The following BPTF variants were observed in gnomAD, a reference collection of about 807,000 sequenced individuals.
BPTF encodes bromodomain PHD finger transcription factor, also known as nucleosome-remodeling factor subunit BPTF.
In BPTF, 18 loss-of-function variants were observed where a neutral mutation model predicts 292.5. The ratio of observed to expected loss-of-function variants is 0.06; its 90% CI spans 0.04 to 0.09. The LOEUF is 0.09. Ranked by LOEUF, BPTF falls within the 10% of genes least tolerant of loss-of-function variation. BPTF has a pLI of 1.00. For synonymous variants in BPTF, 1,225 were observed against 1,251.9 expected (o/e 0.98, Z 0.45); for missense variants, 2,726 against 3,498.7 (o/e 0.78, Z 5.57).
At chr17:67,928,761 A>G (rs576125744) in intron 16 of BPTF, among the ~76,000 whole-genome samples, 160 bp downstream of exon 16, 19 of 152,360 alleles carry the variant, frequency 1.2e-4, no homozygotes, top group Non-Finnish European at 2.8e-4. Context: ...AATAATGTTC[A>G]TAATATTACA....
At chr17:67,927,483 C>G (rs775513770) in intron 15 of BPTF, among the ~76,000 whole-genome samples, 1 of 152,122 alleles carries the variant, frequency 6.6e-6, no homozygotes, top group Non-Finnish European at 1.5e-5. Context: ...TAGAAGAAGT[C>G]TAGAAAAACT....
chr17:67,893,266 C>A, intron 5 of BPTF, 104 bp from the exon 6 acceptor site: 1 of 755,492 alleles, frequency 1.3e-6, no homozygotes, highest in Non-Finnish European at 2.2e-6. Context: ...TTTATCTTAA[C>A]TTACTTTGAA....
At position 67,966,559 on chromosome 17, in the gene BPTF, T is replaced by G. The variant is rs1406878645; in HGVS notation, c.8455-13T>G. On this transcript the variant is annotated splice_polypyrimidine_tract_variant and intron_variant, in intron 25 of 27. Transcript: ENST00000306378. ...TTTTCACTGACAATAATGATGCTGCTTTTTCATTATAGGCCCATAAGATGG... is the reference window on the plus strand; with the variant it reads ...TTTTCACTGACAATAATGATGCTGCGTTTTCATTATAGGCCCATAAGATGG... The G allele has an allele frequency of 1.2e-6, 2 of 1,606,384 alleles. No homozygotes were observed. The highest frequency in any genetic ancestry group is 1.3e-5 in the African/African-American group (1 of 74,738).
chr17:67,927,602 A>C (rs1331525550), intron 15 of BPTF, among the ~76,000 whole-genome samples: 1 of 152,192 alleles, frequency 6.6e-6, no homozygotes. Flanking sequence ...AGTGAAACAG[A>C]AACCTTTCAC....
At position 67,982,286 on chromosome 17, in the gene BPTF, T is replaced by TA; in HGVS notation, c.*1dup. Residue 2921 remains the stop codon, a frameshift_variant and stop_retained_variant, in exon 28 of 28, where the codon TAA becomes TAAA. Transcript: ENST00000306378. LOFTEE classifies it high-confidence loss of function. ...HNNKLQSTAS[*] ...CAACAAACTGCAGTCTACAGCTTCTTAAAGTTCAGCGTGTTAACCTAACAT... is the reference window on the plus strand; with the variant it reads ...CAACAAACTGCAGTCTACAGCTTCTTAAAAGTTCAGCGTGTTAACCTAACAT... The TA allele has an allele frequency of 6.2e-7, 1 of 1,610,780 alleles. No individual in the cohort carries two copies. The highest frequency in any genetic ancestry group is 8.5e-7 in the Non-Finnish European group (1 of 1,177,502).
chr17:67,900,285 A>G (rs1323844203), intron 7 of BPTF, among the ~76,000 whole-genome samples: 4 of 152,024 alleles, frequency 2.6e-5, no homozygotes, highest in African/African-American at 9.7e-5. Context: ...TCGTATTTTT[A>G]GTAGAGATGG....
chr17:67,905,041 C>T lies in BPTF; in HGVS notation c.2812+201C>T, dbSNP rs556612871. 2.6e-5 allele frequency among the ~76,000 whole-genome samples: 4 copies of T among 152,192 alleles called. No individual in the cohort carries two copies. The South Asian group carries it at 6.2e-4, about 24-fold the overall frequency. Reference sequence around the variant, plus strand: ...ACAGGAATTTGATGTCTCAGATTTCCGTAAGATTGTAGAATGGAACTTGTT... The same window carrying T: ...ACAGGAATTTGATGTCTCAGATTTCTGTAAGATTGTAGAATGGAACTTGTT... On this transcript the variant is annotated intron_variant, in intron 9 of 27. Transcript: ENST00000306378.
At chr17:67,941,790 G>A (rs924970256) in intron 19 of BPTF, among the ~76,000 whole-genome samples, 1 of 152,146 alleles carries the variant, frequency 6.6e-6, no homozygotes, top group African/African-American at 2.4e-5. Context: ...TATCTTCATA[G>A]CTTTCCTAAA....
At chr17:67,892,708 A>G (rs2061199213) in intron 5 of BPTF, among the ~76,000 whole-genome samples, 1 of 152,244 alleles carries the variant, frequency 6.6e-6, no homozygotes, top group Non-Finnish European at 1.5e-5. Flanking sequence ...CCTCAGTCAC[A>G]TACACATTTT....
intron 1 of BPTF, 65 bp downstream of exon 1, chr17:67,826,402 C>G: frequency 2.7e-6 from 4 of 1,505,934 alleles, no homozygotes; most frequent in Non-Finnish European, 3.6e-6. Context: ...CCCTTGCTCA[C>G]TCGTGTGCTG....
In BPTF at chr17:67,969,415, G is replaced by T. The variant is rs1004624190; in HGVS notation, c.8539+2759G>T. On this transcript the variant is annotated intron_variant, in intron 26 of 27. Coordinates refer to ENST00000306378, the MANE Select transcript of BPTF (RefSeq NM_182641.4). ...TGCTGTGAGACAAGATCGCGCCACT[G>T]CACTCCAGCCTGGGCAACAGAGAAA... Among the ~76,000 whole-genome samples the T allele has an allele frequency of 9.9e-5, 13 of 131,494 alleles. 1 individual carries two copies. Among genetic ancestry groups the T allele is most frequent in the African/African-American group, 3.6e-4 (12 of 33,296 alleles). The allele number at this position is 131,494 out of a possible 152,430, so 86.3% of individuals were successfully genotyped here. A position where few individuals can be genotyped will look rare whatever the true frequency, so the allele number is the denominator to read the frequency against.
At chr17:67,869,286 AAAAC>A (rs1243493947) in intron 3 of BPTF, among the ~76,000 whole-genome samples, 2 of 152,210 alleles carry the variant, frequency 1.3e-5, no homozygotes, top group Non-Finnish European at 2.9e-5. Flanking sequence ...AAAAATAGAA[AAAAC>A]AAAAAAATAT....
intron 2 of BPTF, among the ~76,000 whole-genome samples, chr17:67,865,404 A>G (rs1256934322): frequency 1.3e-5 from 2 of 152,198 alleles, no homozygotes; most frequent in Non-Finnish European, 1.5e-5. Flanking sequence ...TAGATGCCTT[A>G]TCATTATACC....
rs180692789 is a variant in BPTF, at chr17:67,877,238, T to C, written c.1864+2218T>C. 2.0e-5 allele frequency among the ~76,000 whole-genome samples: 3 copies of C among 152,316 alleles called. No homozygotes were observed. In the East Asian group the frequency reaches 5.8e-4, roughly 29 times the overall value. On this transcript the variant is annotated intron_variant, in intron 4 of 27. Coordinates refer to ENST00000306378, the MANE Select transcript of BPTF (RefSeq NM_182641.4). ...TGGTGACTTACATTCTAGTGGGCAG[T>C]AGACGGACTTAATAGAGTTCTGACC...
intron 26 of BPTF, among the ~76,000 whole-genome samples, chr17:67,970,342 G>A (rs1555690177): frequency 6.6e-6 from 1 of 152,074 alleles, no homozygotes; most frequent in Non-Finnish European, 1.5e-5. Context: ...AGGCTGCAGC[G>A]AGCCATAATC....
At chr17:67,843,529 T>G (rs1423797251) in intron 1 of BPTF, among the ~76,000 whole-genome samples, 1 of 148,918 alleles carries the variant, frequency 6.7e-6, no homozygotes, top group Non-Finnish European at 1.5e-5. Context: ...TAGATATATA[T>G]CTAGATATAT....
rs920309314 is a variant in BPTF, at chr17:67,825,990, C to T, written c.266C>T (p.Ala89Val). ...CCGCCGGCCCCCCCCAGCACCAGCG[C>T]CCCGGGCCGGGGGGGGCGAGGAGGC... is the stretch of plus-strand genomic sequence containing the variant. ...PPPPAPPSTS[A>V]PGRGGRGGGG... Residue 89 changes from alanine (A) to valine (V), a missense_variant, in exon 1 of 28, where the codon GCC (alanine) becomes GTC (valine). By Grantham distance (64) the Ala-to-Val change is moderately conservative. Around this residue, in one of 22 missense-constraint regions of BPTF, gnomAD observed 103 missense variants for 72.1 expected, o/e 1.43. Transcript: ENST00000306378. 4.5e-6 allele frequency: 5 copies of T among 1,108,996 alleles called. No homozygotes were observed. In the African/African-American group the frequency reaches 6.7e-5, roughly 15 times the overall value. The allele number at this position is 1,108,996 out of a possible 1,614,324, so 68.7% of individuals were successfully genotyped here.
In BPTF at chr17:67,875,003, A is replaced by C. The variant is rs143373843; in HGVS notation, c.1847A>C (p.Glu616Ala). ...GACAAAACACCAGATGATGACCCTG[A>C]GCAAGGAAAATCTGAGGGTAAAAAA... ...SDDKTPDDDPEQGKSEVGDFK... is the reference protein window; with the variant it reads ...SDDKTPDDDPAQGKSEVGDFK... The change falls in exon 4 of 28, where the codon GAG (glutamate) becomes GCG (alanine). Residue 616 changes from glutamate to alanine, a missense_variant. Glu to Ala is a moderately radical substitution (Grantham distance 107). Transcript: ENST00000306378. 10 of 1,608,722 alleles carry C rather than the reference A, an allele frequency of 6.2e-6. No individual in the cohort carries two copies. Among genetic ancestry groups the C allele is most frequent in the Admixed American group, 1.7e-5 (1 of 58,428 alleles).
intron 24 of BPTF, 131 bp from the exon 25 acceptor site, chr17:67,964,081 G>A (rs2067774903): frequency 1.1e-6 from 1 of 912,106 alleles, no homozygotes; most frequent in Non-Finnish European, 1.6e-6. Context: ...TGTCAATCTT[G>A]AAAGTATTAA....
Sources: gnomAD v4.1 joint callset for allele counts (sites outside exome capture counted in the v4.1 genomes callset) on GRCh38, gnomAD v4.1.1 for gene constraint, gnomAD v4.1.1 regional missense constraint, MANE v1.5 for transcripts, NCBI Gene and HGNC (gene_info 2026-07-23, HGNC 2026-07-21) for gene names.